The following CADPS2 variants were observed in gnomAD, a reference collection of about 807,000 sequenced individuals.
CADPS2 encodes the protein calcium-dependent secretion activator 2.
Under a neutral mutation model 172.5 loss-of-function variants are expected in CADPS2, and 93 were observed. That is an observed-to-expected ratio of 0.54 (90% CI 0.46 to 0.64). The LOEUF is 0.64. CADPS2 is among the 30% of genes least tolerant of loss of function. The pLI is 0.00. For synonymous variants in CADPS2, 546 were observed against 555.2 expected, an observed-to-expected ratio of 0.98 and a Z score of 0.23; for missense variants, 1,420 against 1,565.9, an observed-to-expected ratio of 0.91 and a Z score of 1.57.
chr7:122,654,374 T>C (rs2079507623), intron 3 of CADPS2, among the ~76,000 whole-genome samples: 1 of 152,182 alleles, frequency 6.6e-6, no homozygotes, highest in Admixed American at 6.5e-5. Context: ...TGAGAAGAAG[T>C]CAATGCCTGG....
At chr7:122,760,629 G>C (rs890357509) in intron 1 of CADPS2, among the ~76,000 whole-genome samples, 2 of 151,824 alleles carry the variant, frequency 1.3e-5, no homozygotes, top group African/African-American at 4.9e-5. Flanking sequence ...ATACTATGCA[G>C]CCATAAAAAA....
At chr7:122,531,964 G>A (rs1024701123) in intron 8 of CADPS2, among the ~76,000 whole-genome samples, 1 of 151,884 alleles carries the variant, frequency 6.6e-6, no homozygotes, top group Non-Finnish European at 1.5e-5. Context: ...CCAGGAGGCG[G>A]AGGTTGCAGT....
At chr7:122,544,295 G>T (rs751017787) in intron 8 of CADPS2, among the ~76,000 whole-genome samples, 2 of 152,066 alleles carry the variant, frequency 1.3e-5, no homozygotes, top group Non-Finnish European at 2.9e-5. Flanking sequence ...TACATCATGG[G>T]CTAAGGATTA....
chr7:122,683,880 C>T (rs1451090613), intron 2 of CADPS2, among the ~76,000 whole-genome samples: 1 of 152,082 alleles, frequency 6.6e-6, no homozygotes, highest in African/African-American at 2.4e-5. Flanking sequence ...ATGAGGTTCA[C>T]TGTGTCTACA....
chr7:122,562,699 G>A (rs752256457), intron 7 of CADPS2, among the ~76,000 whole-genome samples: 7 of 152,032 alleles, frequency 4.6e-5, no homozygotes, highest in African/African-American at 9.7e-5. Context: ...CTCCTCATAA[G>A]TGTGTGATTT....
At chr7:122,400,148 A>G (rs1178408707) in intron 20 of CADPS2, among the ~76,000 whole-genome samples, 1 of 151,560 alleles carries the variant, frequency 6.6e-6, no homozygotes, top group Non-Finnish European at 1.5e-5. Context: ...GAAAGAAACT[A>G]GAGCAGGCAG....
intron 1 of CADPS2, among the ~76,000 whole-genome samples, chr7:122,848,306 C>T (rs1237303750): frequency 2.0e-5 from 3 of 152,098 alleles, no homozygotes; most frequent in Non-Finnish European, 4.4e-5. Context: ...ACTGCTGGAA[C>T]AATGGGGAAA....
chr7:122,424,725 T>C lies in CADPS2; in HGVS notation c.2477-8561A>G, dbSNP rs78173475. Among the ~76,000 whole-genome samples the C allele has an allele frequency of 7.8e-3, 1,191 of 152,320 alleles. 12 individuals carry two copies. Among genetic ancestry groups the C allele is most frequent in the African/African-American group, 0.027 (1,140 of 41,578 alleles). ...AACACATTCGGCCCAATTTGAGTTT[T>C]ATTAAAGTTGTCTTTTCATTGAGAC... On this transcript the variant is annotated intron_variant, in intron 17 of 29. Coordinates refer to ENST00000449022, the MANE Select transcript of CADPS2 (RefSeq NM_017954.11).
In CADPS2 at chr7:122,842,517, A is replaced by G. The variant is rs150165372; in HGVS notation, c.339+43482T>C. ...CACCACAAAGACTTTGATGCTTAATATCAAAAACCAAAAATTCAAGAACAA... is the reference window on the plus strand; with the variant it reads ...CACCACAAAGACTTTGATGCTTAATGTCAAAAACCAAAAATTCAAGAACAA... On this transcript the variant is annotated intron_variant, in intron 1 of 29. Coordinates refer to ENST00000449022, the MANE Select transcript of CADPS2 (RefSeq NM_017954.11). Among the ~76,000 whole-genome samples the G allele has an allele frequency of 5.7e-3, 863 of 152,274 alleles. 7 individuals carry two copies. Among genetic ancestry groups the G allele is most frequent in the Middle Eastern group, 0.034 (10 of 294 alleles).
At chr7:122,821,707 T>TA (rs1202716039) in intron 1 of CADPS2, among the ~76,000 whole-genome samples, 1 of 152,168 alleles carries the variant, frequency 6.6e-6, no homozygotes, top group African/African-American at 2.4e-5. Context: ...AGGCTCTTAG[T>TA]ATTCTGTGAA....
intron 15 of CADPS2, among the ~76,000 whole-genome samples, chr7:122,450,306 C>G (rs73431553): frequency 0.029 from 4,411 of 152,016 alleles, 134 homozygotes; most frequent in African/African-American, 0.068. Flanking sequence ...AAATCACATG[C>G]ATGCAACATA....
intron 19 of CADPS2, among the ~76,000 whole-genome samples, chr7:122,408,673 G>A (rs1446843858): frequency 2.0e-5 from 3 of 152,022 alleles, no homozygotes; most frequent in African/African-American, 4.8e-5. Context: ...GTGATCTGCC[G>A]GCCTTGGCCT....
chr7:122,849,817 C>T (rs947371557), intron 1 of CADPS2: 12 of 544,784 alleles, frequency 2.2e-5, no homozygotes, highest in East Asian at 4.8e-5. Context: ...CCCTCAGCAC[C>T]ATCAACTATG....
intron 2 of CADPS2, among the ~76,000 whole-genome samples, chr7:122,692,765 G>C (rs577148247): frequency 6.6e-6 from 1 of 152,214 alleles, no homozygotes; most frequent in South Asian, 2.1e-4. Flanking sequence ...AAGAACACTC[G>C]GGGCCGTAAG....
At position 122,721,366 on chromosome 7, in the gene CADPS2, G is replaced by A. The variant is rs190669393; in HGVS notation, c.453+15589C>T. 1.2e-4 allele frequency among the ~76,000 whole-genome samples: 18 copies of A among 152,080 alleles called. No homozygotes were observed. In the Middle Eastern group the frequency reaches 0.014, roughly 115 times the overall value. Reference sequence around the variant, plus strand: ...AAATGATAAAGGGGATATCCCCACCGATCCCACAGAAATACAAACTACCAT... The same window carrying A: ...AAATGATAAAGGGGATATCCCCACCAATCCCACAGAAATACAAACTACCAT... On this transcript the variant is annotated intron_variant, in intron 2 of 29. Coordinates refer to ENST00000449022, the MANE Select transcript of CADPS2 (RefSeq NM_017954.11).
At chr7:122,718,627 G>A (rs1414941336) in intron 2 of CADPS2, among the ~76,000 whole-genome samples, 2 of 152,100 alleles carry the variant, frequency 1.3e-5, no homozygotes, top group Non-Finnish European at 1.5e-5. Flanking sequence ...TTAGTGAAAT[G>A]AGGATACAAG....
intron 2 of CADPS2, among the ~76,000 whole-genome samples, chr7:122,727,929 A>G (rs1259310910): frequency 6.6e-6 from 1 of 151,934 alleles, no homozygotes; most frequent in Non-Finnish European, 1.5e-5. Flanking sequence ...CAAATTTAGA[A>G]TATCACTTCT....
chr7:122,334,810 C>T (rs1419755867), intron 28 of CADPS2, among the ~76,000 whole-genome samples: 1 of 152,106 alleles, frequency 6.6e-6, no homozygotes, highest in Non-Finnish European at 1.5e-5. Flanking sequence ...GATAGCTATT[C>T]TGCAGATAAA....
chr7:122,428,472 T>TA (rs1491400851), intron 17 of CADPS2, among the ~76,000 whole-genome samples: 1,371 of 66,576 alleles, frequency 0.021, 11 homozygotes, highest in Middle Eastern at 0.034. Flanking sequence ...TATATATATA[T>TA]TTTTTTTTTT....
Sources: allele counts gnomAD v4.1 joint callset (sites outside exome capture counted in the v4.1 genomes callset), GRCh38; gene constraint gnomAD v4.1.1; transcripts MANE v1.5; gene names NCBI Gene and HGNC (gene_info 2026-07-23, HGNC 2026-07-21).